ITIH2: variants seen among roughly 807,000 people sequenced by gnomAD.
ITIH2 encodes inter-alpha-trypsin inhibitor heavy chain 2, also known as inter-alpha-trypsin inhibitor heavy chain H2.
In ITIH2, 103 loss-of-function variants were observed where a neutral mutation model predicts 104.4. The observed-to-expected ratio is 0.99, with a 90% CI of 0.84 to 1.16. ITIH2 has a LOEUF of 1.16. ITIH2 is among the 50% of genes most tolerant of loss of function. ITIH2 has a pLI of 0.00. For synonymous variants in ITIH2, 436 were observed against 435.4 expected, an observed-to-expected ratio of 1.00 and a Z score of -0.02; for missense variants, 1,108 against 1,162.4, an observed-to-expected ratio of 0.95 and a Z score of 0.68.
rs199749488 is a variant in ITIH2 at position 7,739,391 on chromosome 10, TG to T, written c.2095+634del. 6.1e-3 allele frequency among the ~76,000 whole-genome samples: 926 copies of T among 152,292 alleles called. 15 individuals are homozygous for T. Among genetic ancestry groups the T allele is most frequent in the Admixed American group, 0.035 (539 of 15,294 alleles). On this transcript the variant is annotated intron_variant, in intron 16 of 20. Coordinates refer to ENST00000358415, the MANE Select transcript of ITIH2 (RefSeq NM_002216.3). ...GCACATCCCTCTCCCTGAAGGAAGGTGCAAAGTCCCAGCCTGACTTGAGTGT... is the reference window on the plus strand; with the variant it reads ...GCACATCCCTCTCCCTGAAGGAAGGTCAAAGTCCCAGCCTGACTTGAGTGT...
intron 4 of ITIH2, among the ~76,000 whole-genome samples, chr10:7,709,663 G>A (rs2026609): frequency 0.77 from 117,356 of 152,042 alleles, 45,399 homozygotes; most frequent in Admixed American, 0.84. Context: ...TGATTTCCTT[G>A]ATGATAAACT....
intron 11 of ITIH2, among the ~76,000 whole-genome samples, chr10:7,729,351 C>G (rs142624178): frequency 9.2e-4 from 140 of 152,152 alleles, no homozygotes; most frequent in Non-Finnish European, 7.6e-4. Flanking sequence ...TTGGTTTAAT[C>G]ATGGTTTCTC....
rs373645234 is a variant in ITIH2 at position 7,749,202 on chromosome 10, C to T, written c.2709C>T (p.Asp903=). The change falls in exon 21 of 21, where the codon GAC becomes GAT. Residue 903 remains aspartate, a synonymous_variant. Coordinates refer to ENST00000358415, the MANE Select transcript of ITIH2 (RefSeq NM_002216.3). ...TTCCTTGCAGGGGCTTACAGAAAGACTACAGAACGGATCTAGTGTTTGGAA... is the reference window on the plus strand; with the variant it reads ...TTCCTTGCAGGGGCTTACAGAAAGATTACAGAACGGATCTAGTGTTTGGAA... ...KLIITRGLQK[D]YRTDLVFGTD... is the part of the protein sequence containing the mutation. The T allele has an allele frequency of 8.7e-6, 14 of 1,614,000 alleles. No individual in the cohort carries two copies. In the African/African-American group the frequency reaches 1.2e-4, roughly 14 times the overall value.
chr10:7,723,698 G>A (rs2274456), intron 9 of ITIH2, 131 bp downstream of exon 9: 111,059 of 662,466 alleles, frequency 0.17, 11,243 homozygotes, highest in African/African-American at 0.38. Context: ...ACAGACTGCC[G>A]GTGTCAACTC....
rs2274455 is a variant in ITIH2, at chr10:7,727,138, T to G, written c.1153+20T>G. On this transcript the variant is annotated intron_variant, in intron 10 of 20. Transcript: ENST00000358415. ...GTGGAGGTGAGTGTGTTGGGCTAAA[T>G]CCCAAGGAGACACTTCCTCTGGGTT... The G allele has an allele frequency of 0.21, 335,491 of 1,596,628 alleles. 40,268 individuals carry two copies. The highest frequency in any genetic ancestry group is 0.53 in the African/African-American group (39,702 of 74,484).
chr10:7,726,239 A>G (rs1198535886), intron 9 of ITIH2, among the ~76,000 whole-genome samples: 1 of 152,212 alleles, frequency 6.6e-6, no homozygotes, highest in Non-Finnish European at 1.5e-5. Context: ...AAGTGGATGC[A>G]CATGAGGTTT....
intron 4 of ITIH2, among the ~76,000 whole-genome samples, chr10:7,712,589 G>A (rs917319941): frequency 1.3e-5 from 2 of 152,146 alleles, no homozygotes; most frequent in African/African-American, 4.8e-5. Flanking sequence ...TCTAAAGGAT[G>A]AAATTCAAAG....
chr10:7,708,298 T>A (rs1459184697), intron 3 of ITIH2, among the ~76,000 whole-genome samples: 3 of 152,214 alleles, frequency 2.0e-5, no homozygotes, highest in African/African-American at 4.8e-5. Context: ...AGGTGTGGGT[T>A]TCTAGGACCT....
intron 11 of ITIH2, chr10:7,729,742 C>T: frequency 4.4e-6 from 2 of 450,774 alleles, no homozygotes; most frequent in East Asian, 3.4e-5. Context: ...TTGCTAATTC[C>T]CAAATAATGT....
At chr10:7,735,492 G>A (rs1564304920) in intron 15 of ITIH2, among the ~76,000 whole-genome samples, 1 of 151,976 alleles carries the variant, frequency 6.6e-6, no homozygotes, top group Non-Finnish European at 1.5e-5. Flanking sequence ...TCGAGCCCAG[G>A]AGGACCACTG....
intron 3 of ITIH2, among the ~76,000 whole-genome samples, chr10:7,708,093 G>C (rs1290112835): frequency 6.6e-6 from 1 of 152,200 alleles, no homozygotes; most frequent in Non-Finnish European, 1.5e-5. Context: ...ACATAGATTA[G>C]CCTGGATTTT....
At chr10:7,739,694 A>C (rs1448890206) in intron 16 of ITIH2, among the ~76,000 whole-genome samples, 1 of 151,762 alleles carries the variant, frequency 6.6e-6, no homozygotes, top group Non-Finnish European at 1.5e-5. Context: ...GGAGTTTGAG[A>C]CCAGCAAAAA....
At chr10:7,738,779 GC>G in intron 16 of ITIH2, 21 bp downstream of exon 16, 1 of 1,569,192 alleles carries the variant, frequency 6.4e-7, no homozygotes, top group Non-Finnish European at 8.6e-7. Flanking sequence ...TACACTGCTT[GC>G]ACGTCCCAGA....
chr10:7,726,990 C>T lies in ITIH2; in HGVS notation c.1025C>T (p.Ala342Val), dbSNP rs541730267. ...AAGACCATATTGGATGACCTCAGAG[C>T]AGAAGACCATTTCTCTGTGATTGAT... ...AMKTILDDLR[A>V]EDHFSVIDFN... Residue 342 changes from alanine to valine, a missense_variant, in exon 10 of 21, where the codon GCA (alanine) becomes GTA (valine). Physicochemically the swap from Ala to Val is moderately conservative, Grantham distance 64 (BLOSUM62 0). Transcript: ENST00000358415. 1.3e-4 allele frequency: 211 copies of T among 1,613,762 alleles called. 3 individuals carry two copies. In the Admixed American group the frequency reaches 3.4e-3, roughly 26 times the overall value.
rs111246551 is a variant in ITIH2, at chr10:7,746,718, G to T, written c.2693+14G>T. Reference sequence around the variant, plus strand: ...GATCATCACCAGGTAGGCCTCGGGCGTAAGGACAGTGACGAAAAGGCCTTG... The same window carrying T: ...GATCATCACCAGGTAGGCCTCGGGCTTAAGGACAGTGACGAAAAGGCCTTG... On this transcript the variant is annotated intron_variant, in intron 20 of 20. Transcript: ENST00000358415. 76 of 1,537,888 alleles carry T rather than the reference G, an allele frequency of 4.9e-5. 1 individual carries two copies. The Admixed American group carries it at 1.3e-3, about 26-fold the overall frequency.
chr10:7,709,048 T>G lies in ITIH2; in HGVS notation c.219T>G (p.Tyr73Ter), dbSNP rs140805193. The G allele has an allele frequency of 1.9e-6, 3 of 1,614,018 alleles. No homozygotes were observed. The highest frequency in any genetic ancestry group is 2.7e-5 in the African/African-American group (2 of 74,926). ...MMEEVDQVTL[Y>*]SYKVQSTITS... is the part of the protein sequence containing the mutation. Reference sequence around the variant, plus strand: ...AAGAGGTTGATCAAGTAACTCTTTATAGCTATAAAGTCCAGTCTACTATTA... The same window carrying G: ...AAGAGGTTGATCAAGTAACTCTTTAGAGCTATAAAGTCCAGTCTACTATTA... Residue 73 changes from tyrosine to a stop codon, truncating the protein, a stop_gained, in exon 4 of 21, where the codon TAT becomes TAG. Transcript: ENST00000358415. LOFTEE classifies it high-confidence loss of function.
chr10:7,720,161 G>C (rs1439231472), intron 6 of ITIH2, among the ~76,000 whole-genome samples: 3 of 151,648 alleles, frequency 2.0e-5, no homozygotes, highest in Non-Finnish European at 4.4e-5. Context: ...AGTGGGGTGA[G>C]GGATGAGAAA....
chr10:7,745,436 C>A (rs1230020698), intron 19 of ITIH2, among the ~76,000 whole-genome samples: 4 of 152,078 alleles, frequency 2.6e-5, no homozygotes, highest in Non-Finnish European at 4.4e-5. Context: ...TACTTACAAT[C>A]CACTAGACCA....
At chr10:7,713,650 T>C (rs1443957065) in intron 5 of ITIH2, among the ~76,000 whole-genome samples, 1 of 152,200 alleles carries the variant, frequency 6.6e-6, no homozygotes. Context: ...AGTTTGAAAT[T>C]TGCCTTAATG....
Sources: allele counts gnomAD v4.1 joint callset (sites outside exome capture counted in the v4.1 genomes callset), GRCh38; gene constraint gnomAD v4.1.1; transcripts MANE v1.5; gene names NCBI Gene and HGNC (gene_info 2026-07-23, HGNC 2026-07-21).